NRG1: variants seen among roughly 807,000 people sequenced by gnomAD.
NRG1 encodes the protein neuregulin 1.
In NRG1, 18 loss-of-function variants were observed where a neutral mutation model predicts 63.8. That is an observed-to-expected ratio of 0.28 (90% CI 0.19 to 0.42). The LOEUF is 0.42. Among genes scored for constraint, NRG1 ranks in the 10% least tolerant of loss-of-function variants. The probability of loss-of-function intolerance (pLI) is 1.00; values close to 1 mark genes in which losing one functional copy is unlikely to be tolerated. For synonymous variants in NRG1, 302 were observed against 301.3 expected (o/e 1.00, Z -0.02); for missense variants, 762 against 814.7 (o/e 0.94, Z 0.79).
chr8:32,040,369 A>C (rs1273814617), intron 1 of NRG1, among the ~76,000 whole-genome samples: 1 of 152,144 alleles, frequency 6.6e-6, no homozygotes, highest in African/African-American at 2.4e-5. Context: ...TGAAAGTCAA[A>C]GCACATTATT....
intron 1 of NRG1, among the ~76,000 whole-genome samples, chr8:31,743,292 C>A (rs573673170): frequency 6.6e-6 from 1 of 152,068 alleles, no homozygotes; most frequent in East Asian, 1.9e-4. Flanking sequence ...CCTAGCAGTT[C>A]TCCTTGGCTC....
intron 5 of NRG1, among the ~76,000 whole-genome samples, chr8:32,701,550 C>T (rs998983120): frequency 1.3e-5 from 2 of 152,042 alleles, no homozygotes; most frequent in Non-Finnish European, 2.9e-5. Flanking sequence ...GTGAGTAAGC[C>T]TGCATTTTTC....
At position 32,140,962 on chromosome 8, in the gene NRG1, ACTCT is replaced by A. The variant is rs936090951; in HGVS notation, c.38-454855_38-454852del. On this transcript the variant is annotated intron_variant, in intron 1 of 10. Transcript: ENST00000519301. Reference sequence around the variant, plus strand: ...CCTTCTCTCTCTCTCTCTCTCGCTCACTCTCTCTCTCTCTGTCTCTGTGTCTCTC... The same window carrying A: ...CCTTCTCTCTCTCTCTCTCTCGCTCACTCTCTCTCTGTCTCTGTGTCTCTC... Among the ~76,000 whole-genome samples, 10 of 121,532 alleles carry A rather than the reference ACTCT, an allele frequency of 8.2e-5. No individual in the cohort carries two copies. In the East Asian group the frequency reaches 2.1e-3, roughly 26 times the overall value. The allele number at this position is 121,532 out of a possible 152,430, so 79.7% of individuals were successfully genotyped here.
In NRG1 at chr8:32,018,353, C is replaced by T. The variant is rs187729197; in HGVS notation, c.37+378922C>T. ...TGAAAGGTAGATTATTTTATCTCAT[C>T]ATTTTAGGATTCCTTTTCTTAACTG... On this transcript the variant is annotated intron_variant, in intron 1 of 10. Transcript: ENST00000519301. Among the ~76,000 whole-genome samples the T allele has an allele frequency of 3.9e-4, 59 of 152,268 alleles. 1 individual carries two copies. Among genetic ancestry groups the T allele is most frequent in the African/African-American group, 1.4e-3 (57 of 41,580 alleles).
chr8:32,414,179 A>G (rs1312170563), intron 1 of NRG1, among the ~76,000 whole-genome samples: 1 of 152,064 alleles, frequency 6.6e-6, no homozygotes, highest in Non-Finnish European at 1.5e-5. Context: ...GTCTTCCTCT[A>G]AGTTAGTTTC....
At chr8:32,438,597 T>G (rs1819084783) in intron 1 of NRG1, among the ~76,000 whole-genome samples, 1 of 152,330 alleles carries the variant, frequency 6.6e-6, no homozygotes, top group South Asian at 2.1e-4. Flanking sequence ...TTTAGTGTTT[T>G]TAAGAAACCA....
intron 1 of NRG1, among the ~76,000 whole-genome samples, chr8:31,671,931 T>G (rs549305910): frequency 5.9e-5 from 9 of 152,162 alleles, no homozygotes; most frequent in Admixed American, 5.9e-4. Flanking sequence ...TAAAAAAAGA[T>G]AGCAATATAG....
chr8:32,464,116 G>A (rs1822742234), intron 1 of NRG1, among the ~76,000 whole-genome samples: 1 of 151,382 alleles, frequency 6.6e-6, no homozygotes. Context: ...GGATGGTCTC[G>A]ATCTCCTGAC....
chr8:32,047,845 A>G (rs924853818), intron 1 of NRG1, among the ~76,000 whole-genome samples: 1 of 151,870 alleles, frequency 6.6e-6, no homozygotes, highest in Admixed American at 6.6e-5. Flanking sequence ...CCATGGTACA[A>G]TAAATATCTG....
intron 5 of NRG1, among the ~76,000 whole-genome samples, chr8:32,631,046 G>A (rs906313181): frequency 1.3e-4 from 20 of 152,014 alleles, no homozygotes; most frequent in Non-Finnish European, 7.4e-5. Context: ...TTTCTAAACA[G>A]GGCAGACCAT....
intron 1 of NRG1, among the ~76,000 whole-genome samples, chr8:31,673,376 A>G (rs539010286): frequency 2.0e-4 from 30 of 152,238 alleles, no homozygotes; most frequent in Non-Finnish European, 3.2e-4. Flanking sequence ...CCTCAGTGGC[A>G]TTGAGTTGTG....
intron 1 of NRG1, among the ~76,000 whole-genome samples, chr8:31,657,923 C>T (rs753093050): frequency 2.0e-5 from 3 of 152,208 alleles, no homozygotes; most frequent in Non-Finnish European, 2.9e-5. Flanking sequence ...ATTCTAGTCA[C>T]ACCATCACTT....
chr8:32,544,512 TTTA>T (rs1554577136), upstream of NRG1, among the ~76,000 whole-genome samples: 6 of 145,984 alleles, frequency 4.1e-5, no homozygotes, highest in South Asian at 1.3e-3. Flanking sequence ...TATTTATTTA[TTTA>T]TTGTTATGAG....
intron 5 of NRG1, among the ~76,000 whole-genome samples, chr8:32,656,773 G>A (rs1170749045): frequency 6.6e-6 from 1 of 152,100 alleles, no homozygotes; most frequent in East Asian, 1.9e-4. Context: ...TTTTGCCTGG[G>A]TATAAGTTTT....
At chr8:31,947,049 C>T (rs964174244) in intron 1 of NRG1, among the ~76,000 whole-genome samples, 1 of 152,064 alleles carries the variant, frequency 6.6e-6, no homozygotes, top group Non-Finnish European at 1.5e-5. Flanking sequence ...GCCTGTAATC[C>T]CAGCCCTTTG....
At chr8:32,416,665 T>C (rs12114983) in intron 1 of NRG1, among the ~76,000 whole-genome samples, 65,159 of 151,946 alleles carry the variant, frequency 0.43, 14,145 homozygotes, top group Admixed American at 0.47. Context: ...GTTTGTTTTG[T>C]CGTTGTTGTT....
chr8:32,180,666 G>T (rs1040878975), intron 1 of NRG1, among the ~76,000 whole-genome samples: 17 of 151,948 alleles, frequency 1.1e-4, no homozygotes, highest in Admixed American at 6.6e-4. Flanking sequence ...TATATTTATG[G>T]TGTACAGCAC....
chr8:32,720,800 C>T lies in NRG1; in HGVS notation c.503-7149C>T, dbSNP rs151211967. ...CTGTGCCATGAGTAAAATGCACTGT[C>T]TGAAAAAAACAGAAAAAAAACAGCA... On this transcript the variant is annotated intron_variant, in intron 5 of 11. Coordinates refer to ENST00000356819, the Ensembl canonical transcript of NRG1. 2.7e-3 allele frequency among the ~76,000 whole-genome samples: 403 copies of T among 151,864 alleles called. 3 individuals are homozygous for T. The highest frequency in any genetic ancestry group is 9.1e-3 in the African/African-American group (376 of 41,410).
intron 1 of NRG1, among the ~76,000 whole-genome samples, chr8:32,033,493 T>A (rs1188174146): frequency 6.6e-6 from 1 of 152,176 alleles, no homozygotes; most frequent in Admixed American, 6.5e-5. Context: ...AGAATGTCAA[T>A]TGTATTTTAA....
Sources: gnomAD v4.1 joint callset for allele counts (sites outside exome capture counted in the v4.1 genomes callset) on GRCh38, gnomAD v4.1.1 for gene constraint, MANE v1.5 for transcripts, NCBI Gene and HGNC (gene_info 2026-07-23, HGNC 2026-07-21) for gene names.